Variants in RSPH9 observed in about 807,000 individuals in gnomAD.
RSPH9 encodes the protein radial spoke head protein 9 homolog.
A neutral mutation model predicts 27.0 loss-of-function variants in RSPH9; 27 were observed. That is an observed-to-expected ratio of 1.00 (90% CI 0.74 to 1.38). The LOEUF is 1.38. Ranked by LOEUF, RSPH9 falls within the 40% of genes most tolerant of loss-of-function variation. RSPH9 has a pLI of 0.00. For missense variants in RSPH9, 347 were observed against 357.4 expected (o/e 0.97, Z 0.24); for synonymous variants, 145 against 147.7 (o/e 0.98, Z 0.13).
chr6:43,670,358 T>G (rs544360577), intron 4 of RSPH9, among the ~76,000 whole-genome samples: 11 of 152,266 alleles, frequency 7.2e-5, no homozygotes, highest in African/African-American at 2.6e-4. Flanking sequence ...TCCCAGCACT[T>G]TGGGAGGCCA....
chr6:43,669,930 T>C (rs1773545267), intron 4 of RSPH9, among the ~76,000 whole-genome samples: 1 of 152,202 alleles, frequency 6.6e-6, no homozygotes, highest in African/African-American at 2.4e-5. Context: ...CCACCAAGGA[T>C]GGCTCCCAGT....
chr6:43,660,469 T>G (rs1285056412), intron 4 of RSPH9, among the ~76,000 whole-genome samples: 3 of 151,866 alleles, frequency 2.0e-5, no homozygotes, highest in Non-Finnish European at 4.4e-5. Flanking sequence ...ATTTATTTAT[T>G]TATTTATTTT....
chr6:43,645,217 G>T lies in RSPH9; in HGVS notation c.119G>T (p.Arg40Leu), dbSNP rs773261183. 1.2e-6 allele frequency: 2 copies of T among 1,614,070 alleles called. No homozygotes were observed. The highest frequency in any genetic ancestry group is 1.1e-5 in the South Asian group (1 of 91,082). The change falls in exon 1 of 5, where the codon CGC becomes CTC. Residue 40 changes from arginine to leucine, a missense_variant. Coordinates refer to ENST00000372163, the MANE Select transcript of RSPH9 (RefSeq NM_152732.5). The part of the protein sequence containing the change: ...TSLMLVKRDY[R>L]YDRVLFWGRI... ...CTTATGCTGGTTAAGCGCGACTACC[G>T]CTATGATCGGGTTCTCTTCTGGGGC...
chr6:43,664,041 A>G (rs943650411), intron 4 of RSPH9, among the ~76,000 whole-genome samples: 1 of 151,992 alleles, frequency 6.6e-6, no homozygotes, highest in East Asian at 1.9e-4. Context: ...AAAAAAAAAA[A>G]AGAGTTTGAA....
At position 43,649,972 on chromosome 6, in the gene RSPH9, G is replaced by A. The variant is rs547055287; in HGVS notation, c.228-403G>A. On this transcript the variant is annotated intron_variant, in intron 1 of 4. Transcript: ENST00000372163. ...AGAGTCTTGCTCTGTCACCCAGGCTGGTGCAGTCGTGGCTCACTGCAACCT... is the reference window on the plus strand; with the variant it reads ...AGAGTCTTGCTCTGTCACCCAGGCTAGTGCAGTCGTGGCTCACTGCAACCT... Among the ~76,000 whole-genome samples, 182 of 152,296 alleles carry A rather than the reference G, an allele frequency of 1.2e-3. 1 individual carries two copies. Among genetic ancestry groups the A allele is most frequent in the African/African-American group, 3.9e-3 (164 of 41,560 alleles).
chr6:43,646,325 G>T lies in RSPH9; in HGVS notation c.227+1000G>T, dbSNP rs894258869. Among the ~76,000 whole-genome samples, 37 of 151,348 alleles carry T rather than the reference G, an allele frequency of 2.4e-4. No individual in the cohort carries two copies. In the East Asian group the frequency reaches 6.7e-3, roughly 27 times the overall value. On this transcript the variant is annotated intron_variant, in intron 1 of 4. Coordinates refer to ENST00000372163, the MANE Select transcript of RSPH9 (RefSeq NM_152732.5). ...TTTTTTTTGTATTTTTAGTAGAGAC[G>T]GGGTTTCACCGTGTTAGCTAGGATG... is the stretch of plus-strand genomic sequence containing the variant.
chr6:43,665,118 G>A (rs868131562), intron 4 of RSPH9, among the ~76,000 whole-genome samples: 20 of 152,206 alleles, frequency 1.3e-4, no homozygotes, highest in Admixed American at 7.8e-4. Context: ...TGCTTTGCCC[G>A]TGGAGCCTCA....
Position 43,670,356 on chromosome 6 carries a change from C to T in RSPH9, c.671-433C>T, listed in dbSNP as rs528693784. Reference sequence around the variant, plus strand: ...GTGGCTCACATCTGTAATCCCAGCACTTTGGGAGGCCAAGGTGGGAGGATC... The same window carrying T: ...GTGGCTCACATCTGTAATCCCAGCATTTTGGGAGGCCAAGGTGGGAGGATC... On this transcript the variant is annotated intron_variant, in intron 4 of 4. Coordinates refer to ENST00000372163, the MANE Select transcript of RSPH9 (RefSeq NM_152732.5). Among the ~76,000 whole-genome samples the T allele has an allele frequency of 9.8e-5, 15 of 152,298 alleles. No individual in the cohort carries two copies. In the East Asian group the frequency reaches 2.9e-3, roughly 29 times the overall value.
intron 4 of RSPH9, 136 bp downstream of exon 4, chr6:43,656,859 T>A: frequency 1.1e-6 from 1 of 931,592 alleles, no homozygotes; most frequent in Non-Finnish European, 1.7e-6. Context: ...TTTTTGAGGG[T>A]GGAGCTTCCC....
intron 4 of RSPH9, 63 bp downstream of exon 4, chr6:43,656,786 A>C (rs1582387212): frequency 1.3e-4 from 207 of 1,554,714 alleles, no homozygotes; most frequent in African/African-American, 2.7e-5. Flanking sequence ...GGGCCATGCC[A>C]CCTGCCATTT....
intron 3 of RSPH9, 145 bp downstream of exon 3, chr6:43,655,836 C>G: frequency 1.0e-6 from 1 of 986,382 alleles, no homozygotes; most frequent in South Asian, 1.5e-5. Flanking sequence ...AGGGTGTGCC[C>G]AGTGACCTGG....
At position 43,672,108 on chromosome 6, in the gene RSPH9, C is replaced by T; in HGVS notation, c.*1159C>T. The T allele has an allele frequency of 1.5e-6, 1 of 653,468 alleles. No homozygotes were observed. Among genetic ancestry groups the T allele is most frequent in the Non-Finnish European group, 2.6e-6 (1 of 385,510 alleles). 40.5% of individuals were successfully genotyped at this position (653,468 alleles called of 1,614,324 possible). On this transcript the variant is annotated 3_prime_UTR_variant, in exon 5 of 5. Transcript: ENST00000372163. ...CAGATGGGCTGGGCTCTTGCTGCCG[C>T]AAGCCTGTGTGGCCAGGTTCAGGCA...
chr6:43,670,555 T>C (rs759074919), intron 4 of RSPH9, among the ~76,000 whole-genome samples: 2 of 152,186 alleles, frequency 1.3e-5, no homozygotes, highest in Non-Finnish European at 1.5e-5. Context: ...TGAGTTGTGA[T>C]TGCGCCACTG....
At position 43,649,643 on chromosome 6, in the gene RSPH9, G is replaced by A. The variant is rs573580294; in HGVS notation, c.228-732G>A. On this transcript the variant is annotated intron_variant, in intron 1 of 4. Coordinates refer to ENST00000372163, the MANE Select transcript of RSPH9 (RefSeq NM_152732.5). ...AAAGAAGGAACCAGGTGGGCCTGGT[G>A]AGTGCTCCCGAAGGCCTCAGAGGAG... 8.5e-5 allele frequency among the ~76,000 whole-genome samples: 13 copies of A among 152,192 alleles called. No individual in the cohort carries two copies. In the South Asian group the frequency reaches 2.3e-3, roughly 27 times the overall value.
In RSPH9 at chr6:43,645,208, G is replaced by A; in HGVS notation, c.110G>A (p.Arg37His). The A allele has an allele frequency of 6.2e-7, 1 of 1,614,020 alleles. No individual in the cohort carries two copies. Reference sequence around the variant, plus strand: ...CTCACGTCTCTTATGCTGGTTAAGCGCGACTACCGCTATGATCGGGTTCTC... The same window carrying A: ...CTCACGTCTCTTATGCTGGTTAAGCACGACTACCGCTATGATCGGGTTCTC... ...SLLTSLMLVK[R>H]DYRYDRVLFW... is the part of the protein sequence containing the mutation. Residue 37 changes from arginine (R) to histidine (H), a missense_variant, in exon 1 of 5, where the codon CGC (arginine) becomes CAC (histidine). Coordinates refer to ENST00000372163, the MANE Select transcript of RSPH9 (RefSeq NM_152732.5).
intron 1 of RSPH9, among the ~76,000 whole-genome samples, chr6:43,646,908 A>G (rs1770931837): frequency 6.6e-6 from 1 of 151,034 alleles, no homozygotes; most frequent in Admixed American, 6.6e-5. Context: ...GTGAGCTGGC[A>G]TCATGCCACG....
At chr6:43,652,660 G>C (rs1396430756) in intron 2 of RSPH9, among the ~76,000 whole-genome samples, 1 of 150,896 alleles carries the variant, frequency 6.6e-6, no homozygotes. Flanking sequence ...TCCTGACCTC[G>C]GGTGATCCGC....
At chr6:43,658,609 C>T (rs1020002362) in intron 4 of RSPH9, among the ~76,000 whole-genome samples, 4 of 152,120 alleles carry the variant, frequency 2.6e-5, no homozygotes, top group African/African-American at 4.8e-5. Flanking sequence ...GGCGCAATCT[C>T]GGCTCACTGC....
intron 3 of RSPH9, among the ~76,000 whole-genome samples, chr6:43,656,016 CCTT>C (rs1771987916): frequency 7.5e-5 from 10 of 132,756 alleles, no homozygotes; most frequent in Admixed American, 4.3e-4. Context: ...TTCCTTCCTT[CCTT>C]CCTTCCTTCC....
Sources: allele counts gnomAD v4.1 joint callset (sites outside exome capture counted in the v4.1 genomes callset), GRCh38; gene constraint gnomAD v4.1.1; transcripts MANE v1.5; gene names NCBI Gene and HGNC (gene_info 2026-07-23, HGNC 2026-07-21).